Variants in RYK observed in about 807,000 individuals in gnomAD.
RYK encodes the protein inactive tyrosine-protein kinase RYK.
Under a neutral mutation model 70.2 loss-of-function variants are expected in RYK, and 21 were observed. That is an observed-to-expected ratio of 0.30 (90% CI 0.21 to 0.43). RYK has a LOEUF of 0.43. RYK is among the 20% of genes least tolerant of loss of function. The pLI is 1.00. For missense variants in RYK, 604 were observed against 753.3 expected, an observed-to-expected ratio of 0.80 and a Z score of 2.32; for synonymous variants, 267 against 278.0, an observed-to-expected ratio of 0.96 and a Z score of 0.39.
chr3:134,197,157 G>A (rs1194261477), intron 6 of RYK, among the ~76,000 whole-genome samples: 2 of 152,206 alleles, frequency 1.3e-5, no homozygotes, highest in Non-Finnish European at 2.9e-5. Flanking sequence ...AACTCAAAGA[G>A]ACTATAATAA....
In RYK at chr3:134,204,591, C is replaced by CCACAGCCACA. The variant is rs58130864; in HGVS notation, c.644-1718_644-1717insTGTGGCTGTG. ...AAATAACCCAATGACACAGCCACAG[C>CCACAGCCACA]CACACACACACACACACACACACAC... is the stretch of plus-strand genomic sequence containing the variant. On this transcript the variant is annotated intron_variant, in intron 5 of 14. Transcript: ENST00000623711. Among the ~76,000 whole-genome samples the CCACAGCCACA allele has an allele frequency of 6.5e-3, 919 of 140,760 alleles. 3 individuals carry two copies. The highest frequency in any genetic ancestry group is 0.022 in the East Asian group (102 of 4,704). 92.3% of individuals were successfully genotyped at this position (140,760 alleles called of 152,430 possible).
chr3:134,222,924 T>C (rs1560022897), intron 1 of RYK, among the ~76,000 whole-genome samples: 1 of 152,078 alleles, frequency 6.6e-6, no homozygotes, highest in Non-Finnish European at 1.5e-5. Flanking sequence ...GGAAGGGAGA[T>C]TCAAAATGAA....
chr3:134,198,073 T>C (rs930595561), intron 6 of RYK, among the ~76,000 whole-genome samples: 11 of 152,188 alleles, frequency 7.2e-5, no homozygotes, highest in African/African-American at 2.2e-4. Flanking sequence ...GACCTACCCC[T>C]GACATCCATT....
At chr3:134,201,429 G>A (rs2014015755) in intron 6 of RYK, among the ~76,000 whole-genome samples, 1 of 152,314 alleles carries the variant, frequency 6.6e-6, no homozygotes, top group Non-Finnish European at 1.5e-5. Flanking sequence ...CAATGAGTAA[G>A]ACACACTGCT....
At chr3:134,178,136 TAATAAA>T in intron 10 of RYK, 63 bp from the exon 11 acceptor site, 1 of 1,148,696 alleles carries the variant, frequency 8.7e-7, no homozygotes, top group Non-Finnish European at 1.2e-6. Flanking sequence ...GGCTTACTTC[TAATAAA>T]AATAATCTAA....
intron 8 of RYK, among the ~76,000 whole-genome samples, chr3:134,189,868 T>C (rs776118269): frequency 1.3e-5 from 2 of 152,014 alleles, no homozygotes; most frequent in African/African-American, 2.4e-5. Flanking sequence ...AATTTTGTAA[T>C]TGCCCATAGA....
intron 1 of RYK, among the ~76,000 whole-genome samples, chr3:134,238,085 T>TAATA (rs959122015): frequency 6.6e-6 from 1 of 152,196 alleles, no homozygotes; most frequent in African/African-American, 2.4e-5. Flanking sequence ...CATCAGAATG[T>TAATA]AATAAATCTA....
intron 6 of RYK, among the ~76,000 whole-genome samples, chr3:134,199,110 G>GT (rs1210202719): frequency 6.6e-6 from 1 of 152,208 alleles, no homozygotes. Context: ...CTCATCAGGC[G>GT]TAACAAAGAG....
At chr3:134,214,134 C>T (rs1441206529) in intron 2 of RYK, among the ~76,000 whole-genome samples, 5 of 152,128 alleles carry the variant, frequency 3.3e-5, no homozygotes, top group Admixed American at 3.3e-4. Flanking sequence ...CTCATAATGG[C>T]TACTTCTCAT....
chr3:134,169,095 C>T (rs1002514820), intron 13 of RYK, among the ~76,000 whole-genome samples: 1 of 152,162 alleles, frequency 6.6e-6, no homozygotes, highest in South Asian at 2.1e-4. Context: ...GTCCTATCCC[C>T]TAAAAACTGT....
intron 10 of RYK, chr3:134,179,123 AAAGT>A (rs1430077881): frequency 2.0e-5 from 3 of 152,220 alleles, no homozygotes; most frequent in African/African-American, 7.2e-5. Flanking sequence ...ATCTTACAAG[AAAGT>A]AAGATAAAAA....
At chr3:134,212,136 G>C (rs2014418605) in intron 2 of RYK, among the ~76,000 whole-genome samples, 1 of 152,062 alleles carries the variant, frequency 6.6e-6, no homozygotes, top group Non-Finnish European at 1.5e-5. Context: ...TCACCAAAAA[G>C]AAAGTTCATG....
At chr3:134,160,932 A>G (rs2012447290) in intron 13 of RYK, among the ~76,000 whole-genome samples, 2 of 152,224 alleles carry the variant, frequency 1.3e-5, no homozygotes, top group South Asian at 4.1e-4. Flanking sequence ...ATGAAGATAA[A>G]TACAGAGTTT....
intron 8 of RYK, among the ~76,000 whole-genome samples, chr3:134,190,684 A>T (rs958377053): frequency 6.6e-6 from 1 of 152,216 alleles, no homozygotes; most frequent in Admixed American, 6.5e-5. Flanking sequence ...ATTTTAAAAT[A>T]AACTATTATG....
chr3:134,221,664 C>CT lies in RYK; in HGVS notation c.354+753dup, dbSNP rs577608703. Reference sequence around the variant, plus strand: ...TTATGACAGACACTACTCTATAATACTTTTTTTAAAAACTCTACAATAGGT... The same window carrying CT: ...TTATGACAGACACTACTCTATAATACTTTTTTTTAAAAACTCTACAATAGGT... On this transcript the variant is annotated intron_variant, in intron 2 of 14. Coordinates refer to ENST00000623711, the MANE Select transcript of RYK (RefSeq NM_002958.4). 1.3e-3 allele frequency among the ~76,000 whole-genome samples: 196 copies of CT among 152,198 alleles called. 5 individuals carry two copies. The South Asian group carries it at 0.035, about 27-fold the overall frequency.
At chr3:134,221,017 GA>G (rs1220316938) in intron 2 of RYK, among the ~76,000 whole-genome samples, 2 of 151,934 alleles carry the variant, frequency 1.3e-5, no homozygotes, top group Non-Finnish European at 2.9e-5. Context: ...GAATGAGTGA[GA>G]GAAAAAGAAA....
chr3:134,164,691 A>G (rs1298565138), intron 13 of RYK, among the ~76,000 whole-genome samples: 1 of 152,262 alleles, frequency 6.6e-6, no homozygotes, highest in East Asian at 1.9e-4. Context: ...TTAGCTATTA[A>G]AAATAAAGCT....
chr3:134,205,938 T>C (rs996411365), intron 5 of RYK, among the ~76,000 whole-genome samples: 1 of 151,918 alleles, frequency 6.6e-6, no homozygotes. Context: ...GATGAATAAA[T>C]AGAAAGGGCG....
chr3:134,193,677 C>T (rs898100193), intron 7 of RYK, among the ~76,000 whole-genome samples: 4 of 152,172 alleles, frequency 2.6e-5, no homozygotes, highest in African/African-American at 9.7e-5. Context: ...GCATATATTT[C>T]TTTCTTCATT....
Sources: gnomAD v4.1 joint callset for allele counts (sites outside exome capture counted in the v4.1 genomes callset) on GRCh38, gnomAD v4.1.1 for gene constraint, MANE v1.5 for transcripts, NCBI Gene and HGNC (gene_info 2026-07-23, HGNC 2026-07-21) for gene names.